The following SDK1 variants were observed in gnomAD, a reference collection of about 807,000 sequenced individuals.
SDK1 encodes protein sidekick-1.
SDK1 carries 157 observed loss-of-function variants against 245.5 expected under a neutral mutation model. The ratio of observed to expected loss-of-function variants is 0.64; its 90% CI spans 0.56 to 0.73. The LOEUF (loss-of-function observed/expected upper bound fraction) is 0.73, where lower values mean the gene tolerates loss of function less well. Among genes scored for constraint, SDK1 ranks in the 30% least tolerant of loss-of-function variants. The pLI, the probability that SDK1 is intolerant of heterozygous loss-of-function variation, is 0.00. For synonymous variants in SDK1, 1,647 were observed against 1,278.5 expected, an observed-to-expected ratio of 1.29 and a Z score of -6.15; for missense variants, 3,583 against 3,002.3, an observed-to-expected ratio of 1.19 and a Z score of -4.52.
intron 1 of SDK1, among the ~76,000 whole-genome samples, chr7:3,444,523 T>A (rs887788593): frequency 2.0e-5 from 3 of 152,220 alleles, no homozygotes; most frequent in African/African-American, 7.2e-5. Context: ...ATTTAAGAAC[T>A]TTTTATAAGA....
chr7:3,620,969 C>G (rs1781920484), intron 2 of SDK1, among the ~76,000 whole-genome samples: 1 of 152,102 alleles, frequency 6.6e-6, no homozygotes, highest in Admixed American at 6.5e-5. Flanking sequence ...AATCCTAGGA[C>G]TGGCAGAATT....
At chr7:3,548,733 A>G (rs1562555275) in intron 1 of SDK1, among the ~76,000 whole-genome samples, 2 of 152,192 alleles carry the variant, frequency 1.3e-5, no homozygotes, top group African/African-American at 2.4e-5. Flanking sequence ...TCTTCAGACC[A>G]TCTTTTGTTA....
intron 23 of SDK1, 145 bp from the exon 24 acceptor site, chr7:4,113,144 G>C: frequency 1.2e-6 from 1 of 857,168 alleles, no homozygotes; most frequent in South Asian, 1.7e-5. Context: ...GGTGAAAAGA[G>C]GGTGTCCTTG....
intron 1 of SDK1, among the ~76,000 whole-genome samples, chr7:3,597,427 A>T (rs1158229361): frequency 6.6e-6 from 1 of 152,098 alleles, no homozygotes; most frequent in Non-Finnish European, 1.5e-5. Context: ...CTCAAATCCC[A>T]CTGGGAAATA....
Position 3,977,606 on chromosome 7 carries a change from A to C in SDK1, c.1994+3061A>C, listed in dbSNP as rs534721024. On this transcript the variant is annotated intron_variant, in intron 13 of 44. Transcript: ENST00000404826. ...TTCCCCGGAGGTCTCCTGATCATGC[A>C]CCCCTTAGCATTCAACGACAGTAGC... Among the ~76,000 whole-genome samples the C allele has an allele frequency of 1.5e-3, 234 of 152,240 alleles. 1 individual carries two copies. Among genetic ancestry groups the C allele is most frequent in the Non-Finnish European group, 2.8e-3 (193 of 68,004 alleles).
chr7:4,198,814 T>G (rs1783727100), intron 35 of SDK1, among the ~76,000 whole-genome samples: 1 of 60,458 alleles, frequency 1.7e-5, no homozygotes, highest in African/African-American at 9.9e-5. Flanking sequence ...TTTCTTTGCT[T>G]TTTTTTTTTT....
rs1032301252 is a variant in SDK1, at chr7:4,266,785, CGT to C, written c.*1407_*1408del. The C allele has an allele frequency of 2.0e-4, 199 of 985,468 alleles. 1 individual carries two copies. The African/African-American group carries it at 2.8e-3, about 14-fold the overall frequency. The allele number at this position is 985,468 out of a possible 1,614,324, so 61.0% of individuals were successfully genotyped here. ...CGGGAGCACTGCTGGTGCCCACTGG[CGT>C]GTGTGCCCCGGGTCCCTGTAAGTGC... On this transcript the variant is annotated 3_prime_UTR_variant, in exon 45 of 45. Coordinates refer to ENST00000404826, the MANE Select transcript of SDK1 (RefSeq NM_152744.4).
At chr7:4,164,685 A>G (rs1424108585) in intron 32 of SDK1, among the ~76,000 whole-genome samples, 2 of 152,132 alleles carry the variant, frequency 1.3e-5, no homozygotes, top group South Asian at 4.1e-4. Flanking sequence ...CCTCCAAACA[A>G]TGGTTGTGAA....
intron 31 of SDK1, among the ~76,000 whole-genome samples, chr7:4,160,452 C>G (rs946245503): frequency 1.3e-5 from 2 of 152,208 alleles, no homozygotes; most frequent in Admixed American, 1.3e-4. Context: ...TTTGATGCAC[C>G]TATCTTGTCA....
chr7:4,049,287 C>G (rs1042851617), intron 17 of SDK1, 61 bp from the exon 18 acceptor site: 20 of 1,302,202 alleles, frequency 1.5e-5, no homozygotes, highest in Admixed American at 3.5e-5. Context: ...CTTTCTGTCT[C>G]TCCACCCCAT....
At chr7:3,773,691 T>A (rs1293750120) in intron 4 of SDK1, among the ~76,000 whole-genome samples, 1 of 152,174 alleles carries the variant, frequency 6.6e-6, no homozygotes, top group Non-Finnish European at 1.5e-5. Context: ...ACCCAAAGTT[T>A]GCTGTTTTTG....
intron 5 of SDK1, among the ~76,000 whole-genome samples, chr7:3,864,931 A>C (rs1562499365): frequency 6.6e-6 from 1 of 152,138 alleles, no homozygotes; most frequent in Non-Finnish European, 1.5e-5. Flanking sequence ...CCCCAGCACA[A>C]ATCCTCCATG....
Position 4,268,626 on chromosome 7 carries a change from G to T in SDK1, c.*3242G>T. On this transcript the variant is annotated 3_prime_UTR_variant, in exon 45 of 45. Transcript: ENST00000404826. ...GTGACTGGGCTGAAGCATGATGTTT[G>T]CCTAATGGTTCGTAGCATGGTTTTT... 1 of 1,367,518 alleles carries T rather than the reference G, an allele frequency of 7.3e-7. No homozygotes were observed. The highest frequency in any genetic ancestry group is 9.8e-7 in the Non-Finnish European group (1 of 1,021,800). The allele number at this position is 1,367,518 out of a possible 1,614,324, so 84.7% of individuals were successfully genotyped here.
chr7:3,920,510 G>C (rs905441868), intron 5 of SDK1, among the ~76,000 whole-genome samples: 32 of 152,074 alleles, frequency 2.1e-4, no homozygotes, highest in African/African-American at 5.8e-4. Flanking sequence ...AGGAGTGAGG[G>C]TGATCTTTTC....
intron 1 of SDK1, among the ~76,000 whole-genome samples, chr7:3,540,050 A>T (rs2879918): frequency 0.69 from 105,579 of 152,142 alleles, 37,236 homozygotes; most frequent in African/African-American, 0.84. Context: ...GAGTCACAAA[A>T]AAAACACATA....
intron 4 of SDK1, among the ~76,000 whole-genome samples, chr7:3,754,244 A>G (rs954312937): frequency 1.3e-5 from 2 of 152,148 alleles, no homozygotes; most frequent in Non-Finnish European, 2.9e-5. Context: ...TTAAGTTATA[A>G]TTGAATATTG....
intron 13 of SDK1, among the ~76,000 whole-genome samples, chr7:3,986,703 A>G (rs1348846757): frequency 6.6e-6 from 1 of 152,168 alleles, no homozygotes; most frequent in African/African-American, 2.4e-5. Flanking sequence ...TCTACTAAAA[A>G]TACAAAAATT....
chr7:4,238,710 G>A (rs571989902), intron 42 of SDK1, among the ~76,000 whole-genome samples: 4 of 151,626 alleles, frequency 2.6e-5, no homozygotes, highest in Admixed American at 6.6e-5. Flanking sequence ...CTCCACGCCC[G>A]GCTAATTTTG....
At chr7:4,265,069 G>T in intron 44 of SDK1, 55 bp from the exon 45 acceptor site, 1 of 1,505,636 alleles carries the variant, frequency 6.6e-7, no homozygotes, top group Admixed American at 1.8e-5. Flanking sequence ...TGCCCAGCAC[G>T]CTCCGGGCCC....
Sources: allele counts gnomAD v4.1 joint callset (sites outside exome capture counted in the v4.1 genomes callset), GRCh38; gene constraint gnomAD v4.1.1; transcripts MANE v1.5; gene names NCBI Gene and HGNC (gene_info 2026-07-23, HGNC 2026-07-21).